AFF3: variants seen among roughly 807,000 people sequenced by gnomAD.
The protein encoded by AFF3 is AF4/FMR2 family member 3.
Under a neutral mutation model 129.7 loss-of-function variants are expected in AFF3, and 32 were observed. The ratio of observed to expected loss-of-function variants is 0.25; its 90% CI spans 0.19 to 0.33. The LOEUF (loss-of-function observed/expected upper bound fraction) is 0.33. AFF3 is among the 10% of genes least tolerant of loss of function. The pLI is 1.00. For missense variants in AFF3, 1,373 were observed against 1,592.0 expected, an observed-to-expected ratio of 0.86 and a Z score of 2.34; for synonymous variants, 644 against 635.4, an observed-to-expected ratio of 1.01 and a Z score of -0.20.
chr2:99,947,386 C>T (rs183076542), intron 7 of AFF3, among the ~76,000 whole-genome samples: 23 of 151,898 alleles, frequency 1.5e-4, no homozygotes, highest in African/African-American at 4.6e-4. Flanking sequence ...GAGGTTGCAG[C>T]GACCCAAGGT....
At chr2:99,812,093 GGCAATGATTCTTGT>G (rs1686834244) in intron 8 of AFF3, among the ~76,000 whole-genome samples, 1 of 152,138 alleles carries the variant, frequency 6.6e-6, no homozygotes, top group Admixed American at 6.5e-5. Flanking sequence ...AGGGGGTGTG[GGCAATGATTCTTGT>G]GCCCAATGCA....
At chr2:99,876,707 T>C (rs1558938093) in intron 7 of AFF3, among the ~76,000 whole-genome samples, 1 of 152,102 alleles carries the variant, frequency 6.6e-6, no homozygotes, top group African/African-American at 2.4e-5. Context: ...GCCTAAGTGG[T>C]CCTATACGAT....
Position 99,814,258 on chromosome 2 carries a change from C to T in AFF3, c.921+23219G>A, listed in dbSNP as rs1385576878. On this transcript the variant is annotated intron_variant, in intron 8 of 24. Transcript: ENST00000672756. ...CCACCACCACCACCACCACCACCACCCTCAAAGGACTTTATATTTGTTCTG... is the reference window on the plus strand; with the variant it reads ...CCACCACCACCACCACCACCACCACTCTCAAAGGACTTTATATTTGTTCTG... Among the ~76,000 whole-genome samples, 58 of 152,044 alleles carry T rather than the reference C, an allele frequency of 3.8e-4. 1 individual carries two copies. The highest frequency in any genetic ancestry group is 3.7e-3 in the Admixed American group (57 of 15,260).
chr2:99,838,442 T>C (rs1689061250), intron 7 of AFF3, among the ~76,000 whole-genome samples: 1 of 152,240 alleles, frequency 6.6e-6, no homozygotes, highest in Non-Finnish European at 1.5e-5. Context: ...CCAAGAATGC[T>C]ATCTGCACCT....
intron 7 of AFF3, among the ~76,000 whole-genome samples, chr2:99,872,437 A>G (rs1203944652): frequency 6.6e-6 from 1 of 151,900 alleles, no homozygotes; most frequent in Non-Finnish European, 1.5e-5. Flanking sequence ...GGATCTATAC[A>G]CACAGACAGG....
At chr2:99,884,790 GACC>G (rs761655570) in intron 7 of AFF3, among the ~76,000 whole-genome samples, 4 of 152,180 alleles carry the variant, frequency 2.6e-5, no homozygotes, top group Non-Finnish European at 5.9e-5. Context: ...TCACTGTGAA[GACC>G]ACATTAGCCA....
intron 7 of AFF3, among the ~76,000 whole-genome samples, chr2:99,922,293 T>C (rs1286916849): frequency 6.6e-6 from 1 of 152,196 alleles, no homozygotes; most frequent in African/African-American, 2.4e-5. Context: ...ATTCATTTTA[T>C]TCATAATAAC....
chr2:100,043,970 G>GCC (rs766606538), intron 4 of AFF3, among the ~76,000 whole-genome samples: 3 of 152,138 alleles, frequency 2.0e-5, no homozygotes, highest in Non-Finnish European at 2.9e-5. Context: ...ACCCTGGTGG[G>GCC]CCCCCTGAGA....
At chr2:100,103,726 CG>C (rs1356595706) in intron 4 of AFF3, among the ~76,000 whole-genome samples, 1 of 151,850 alleles carries the variant, frequency 6.6e-6, no homozygotes, top group Admixed American at 6.6e-5. Flanking sequence ...CCGGGGCGCC[CG>C]GGTGGGGTGG....
intron 2 of AFF3, among the ~76,000 whole-genome samples, chr2:100,125,519 G>A (rs1178862285): frequency 6.6e-6 from 1 of 152,158 alleles, no homozygotes; most frequent in Admixed American, 6.5e-5. Context: ...CCTGCTTAAT[G>A]AATGCATGAA....
At chr2:99,973,689 GTTTT>G (rs1201000717) in intron 7 of AFF3, among the ~76,000 whole-genome samples, 1 of 149,796 alleles carries the variant, frequency 6.7e-6, no homozygotes, top group Non-Finnish European at 1.5e-5. Flanking sequence ...ACCATCTTCA[GTTTT>G]TTTTTCCTTT....
At chr2:99,633,587 G>A (rs981305061) in intron 13 of AFF3, among the ~76,000 whole-genome samples, 1 of 152,184 alleles carries the variant, frequency 6.6e-6, no homozygotes, top group African/African-American at 2.4e-5. Context: ...TTTTGGGCCT[G>A]GTGGGAGGTG....
In AFF3 at chr2:99,837,620, A is replaced by T; in HGVS notation, c.874-96T>A. ...CCAAATTAGTCCCCCCCAACAAAAA[A>T]ATTCAGCGAGTTACAGGTTGAGGGG... On this transcript the variant is annotated intron_variant, in intron 7 of 24. Coordinates refer to ENST00000672756, the MANE Select transcript of AFF3 (RefSeq NM_001386135.1). The T allele has an allele frequency of 2.6e-6, 3 of 1,147,178 alleles. No individual in the cohort carries two copies. In the South Asian group the frequency reaches 3.9e-5, roughly 15 times the overall value. The allele number at this position is 1,147,178 out of a possible 1,614,324, so 71.1% of individuals were successfully genotyped here.
chr2:99,709,424 G>A (rs770930183), intron 11 of AFF3, among the ~76,000 whole-genome samples: 2 of 152,124 alleles, frequency 1.3e-5, no homozygotes, highest in African/African-American at 2.4e-5. Flanking sequence ...TGCTCAGTAA[G>A]TTTTAGGGGT....
intron 11 of AFF3, among the ~76,000 whole-genome samples, chr2:99,725,209 G>A (rs534231890): frequency 2.1e-4 from 32 of 152,126 alleles, no homozygotes; most frequent in African/African-American, 7.0e-4. Flanking sequence ...TCCTGACCTC[G>A]TGATCCGCCC....
chr2:99,914,759 C>CA (rs113656836), intron 7 of AFF3, among the ~76,000 whole-genome samples: 2,700 of 143,220 alleles, frequency 0.019, 78 homozygotes, highest in African/African-American at 0.061. Context: ...ACTAAAAATA[C>CA]AAAAAAAAAA....
intron 10 of AFF3, among the ~76,000 whole-genome samples, chr2:99,729,140 C>A (rs1679600351): frequency 6.6e-6 from 1 of 152,124 alleles, no homozygotes; most frequent in African/African-American, 2.4e-5. Flanking sequence ...TTACCACATT[C>A]CATCTTAATG....
chr2:100,084,522 A>G (rs919507461), intron 4 of AFF3, among the ~76,000 whole-genome samples: 4 of 152,252 alleles, frequency 2.6e-5, no homozygotes, highest in African/African-American at 9.6e-5. Flanking sequence ...GAAATGTAAC[A>G]GTACCAAAAA....
chr2:100,062,264 A>G (rs1001850209), intron 4 of AFF3, among the ~76,000 whole-genome samples: 5 of 152,328 alleles, frequency 3.3e-5, no homozygotes, highest in African/African-American at 4.8e-5. Flanking sequence ...CCAGCAGAGG[A>G]GCACACGGAG....
Sources: allele counts gnomAD v4.1 joint callset (sites outside exome capture counted in the v4.1 genomes callset), GRCh38; gene constraint gnomAD v4.1.1; transcripts MANE v1.5; gene names NCBI Gene and HGNC (gene_info 2026-07-23, HGNC 2026-07-21).